FRAS1: variants seen among roughly 807,000 people sequenced by gnomAD.
FRAS1 encodes the protein Fraser extracellular matrix complex subunit 1, also known as extracellular matrix organizing protein FRAS1.
In FRAS1, 290 loss-of-function variants were observed where a neutral mutation model predicts 435.2. The ratio of observed to expected loss-of-function variants is 0.67; its 90% confidence interval spans 0.61 to 0.73. The LOEUF is 0.73. Ranked by LOEUF, FRAS1 falls within the 30% of genes least tolerant of loss-of-function variation. The pLI is 0.00. For synonymous variants in FRAS1, 1,800 were observed against 1,851.0 expected, an observed-to-expected ratio of 0.97 and a Z score of 0.71; for missense variants, 4,860 against 5,001.5, an observed-to-expected ratio of 0.97 and a Z score of 0.85.
chr4:78,156,982 A>G (rs1720916152), intron 2 of FRAS1, among the ~76,000 whole-genome samples: 1 of 152,156 alleles, frequency 6.6e-6, no homozygotes, highest in South Asian at 2.1e-4. Flanking sequence ...CTCCCCTTCT[A>G]GGTCGCCTTT....
At chr4:78,346,761 C>A (rs1560671864) in intron 20 of FRAS1, among the ~76,000 whole-genome samples, 1 of 152,040 alleles carries the variant, frequency 6.6e-6, no homozygotes, top group African/African-American at 2.4e-5. Context: ...ACCTCTTTTT[C>A]CTTCCTTTGA....
chr4:78,535,785 C>T (rs1045198949), intron 71 of FRAS1, among the ~76,000 whole-genome samples: 4 of 152,312 alleles, frequency 2.6e-5, no homozygotes, highest in African/African-American at 9.6e-5. Flanking sequence ...GTGTTACTAC[C>T]TTTCCGCTTA....
At position 78,488,999 on chromosome 4, in the gene FRAS1, C is replaced by T. The variant is rs1720259026; in HGVS notation, c.8877C>T (p.Ser2959=). The T allele has an allele frequency of 5.6e-6, 9 of 1,613,700 alleles. No individual in the cohort carries two copies. The highest frequency in any genetic ancestry group is 7.6e-6 in the Non-Finnish European group (9 of 1,179,752). Reference sequence around the variant, plus strand: ...CATCAGTGAGGTGCTATACTCAGAGCCATTCCGCTCAGGTCATGGAGGACT... The same window carrying T: ...CATCAGTGAGGTGCTATACTCAGAGTCATTCCGCTCAGGTCATGGAGGACT... ...YESSVRCYTQ[S]HSAQVMEDFE... is the part of the protein sequence containing the mutation. Residue 2959 remains serine, a synonymous_variant, in exon 59 of 74, where the codon AGC becomes AGT. Coordinates refer to ENST00000512123, the MANE Select transcript of FRAS1 (RefSeq NM_025074.7).
At position 78,450,271 on chromosome 4, in the gene FRAS1, A is replaced by C; in HGVS notation, c.6395A>C (p.His2132Pro). Residue 2132 changes from histidine to proline, a missense_variant, in exon 45 of 74, where the codon CAT (histidine) becomes CCT (proline). Transcript: ENST00000512123. ...GCAGGGCGCCTGCAGATGATGAAGC[A>C]TGGCAACCTGGAGCAAATTTCTATT... The part of the protein sequence containing the change: ...PGAGRLQMMK[H>P]GNLEQISIKG... The C allele has an allele frequency of 6.2e-7, 1 of 1,613,936 alleles. No individual in the cohort carries two copies. The highest frequency in any genetic ancestry group is 8.5e-7 in the Non-Finnish European group (1 of 1,179,828).
intron 10 of FRAS1, among the ~76,000 whole-genome samples, chr4:78,279,713 A>G (rs1010194991): frequency 2.0e-5 from 3 of 152,174 alleles, no homozygotes; most frequent in African/African-American, 7.2e-5. Flanking sequence ...TTCCCTATTT[A>G]TGTAGCCCAT....
chr4:78,378,603 G>A (rs1731879944), intron 26 of FRAS1, among the ~76,000 whole-genome samples: 1 of 152,124 alleles, frequency 6.6e-6, no homozygotes, highest in African/African-American at 2.4e-5. Context: ...TAGTGGAAGT[G>A]AAGTGATATC....
chr4:78,304,594 G>A (rs1187417057), intron 14 of FRAS1, among the ~76,000 whole-genome samples: 3 of 151,890 alleles, frequency 2.0e-5, no homozygotes, highest in Non-Finnish European at 4.4e-5. Flanking sequence ...TTAGTCTTGG[G>A]AGAGTGTATG....
chr4:78,427,034 A>T (rs1734023706), intron 35 of FRAS1, among the ~76,000 whole-genome samples: 1 of 152,186 alleles, frequency 6.6e-6, no homozygotes, highest in Admixed American at 6.5e-5. Flanking sequence ...GTATGGTTTG[A>T]ATGTCCCTTC....
chr4:78,423,145 T>C (rs1332234588), intron 34 of FRAS1, among the ~76,000 whole-genome samples: 3 of 152,050 alleles, frequency 2.0e-5, no homozygotes, highest in Admixed American at 2.0e-4. Context: ...CCAAAAATAT[T>C]AGTGCCTATT....
At chr4:78,154,529 A>G (rs1358899139) in intron 2 of FRAS1, among the ~76,000 whole-genome samples, 1 of 152,202 alleles carries the variant, frequency 6.6e-6, no homozygotes, top group African/African-American at 2.4e-5. Flanking sequence ...TTTAAGGCCC[A>G]GTCTTCATCA....
chr4:78,149,814 G>T (rs1299967658), intron 2 of FRAS1, among the ~76,000 whole-genome samples: 18 of 152,110 alleles, frequency 1.2e-4, no homozygotes, highest in Admixed American at 1.2e-3. Flanking sequence ...GTTTTGCCCT[G>T]GGAAAGCAGG....
intron 29 of FRAS1, among the ~76,000 whole-genome samples, chr4:78,400,364 G>C (rs1732833095): frequency 6.6e-6 from 1 of 152,092 alleles, no homozygotes; most frequent in Non-Finnish European, 1.5e-5. Context: ...TATATATCGG[G>C]CCTCTAGCAA....
chr4:78,442,035 G>A (rs1331702734), intron 41 of FRAS1, among the ~76,000 whole-genome samples: 1 of 152,220 alleles, frequency 6.6e-6, no homozygotes, highest in Non-Finnish European at 1.5e-5. Context: ...CCAGCACTGG[G>A]CTCTAATTGG....
At chr4:78,514,960 C>G (rs1349569481) in intron 65 of FRAS1, among the ~76,000 whole-genome samples, 1 of 150,704 alleles carries the variant, frequency 6.6e-6, no homozygotes, top group Non-Finnish European at 1.5e-5. Flanking sequence ...CCCAGCTACT[C>G]GGGAGGCTGA....
rs767986893 is a variant in FRAS1 at position 78,540,611 on chromosome 4, C to A, written c.11526C>A (p.Arg3842=). ...PDTISGPRVQ[R]SLTAPLRRNR... is the part of the protein sequence containing the mutation. ...CCATCTCAGGGCCCCGGGTCCAGCG[C>A]TCTCTCACAGCTCCACTCAGACGCA... The change falls in exon 74 of 74, where the codon CGC becomes CGA. Residue 3842 remains arginine (R), a synonymous_variant. Coordinates refer to ENST00000512123, the MANE Select transcript of FRAS1 (RefSeq NM_025074.7). The A allele has an allele frequency of 8.3e-6, 13 of 1,560,596 alleles. No individual in the cohort carries two copies. The South Asian group carries it at 1.6e-4, about 19-fold the overall frequency.
chr4:78,412,540 C>G (rs1023316511), intron 31 of FRAS1, among the ~76,000 whole-genome samples: 1 of 152,166 alleles, frequency 6.6e-6, no homozygotes, highest in Admixed American at 6.5e-5. Context: ...ATATTACATA[C>G]TCATAATAAG....
intron 2 of FRAS1, among the ~76,000 whole-genome samples, chr4:78,069,949 C>A (rs1740250456): frequency 6.6e-6 from 1 of 152,116 alleles, no homozygotes; most frequent in African/African-American, 2.4e-5. Flanking sequence ...ACAACCAAGT[C>A]AGTCCACTTG....
intron 2 of FRAS1, among the ~76,000 whole-genome samples, chr4:78,228,378 A>G (rs10518197): frequency 0.66 from 101,049 of 152,048 alleles, 33,677 homozygotes; most frequent in African/African-American, 0.7. Context: ...TGGTTAATCT[A>G]TCATAGGGGT....
intron 2 of FRAS1, among the ~76,000 whole-genome samples, chr4:78,130,188 T>A (rs139428273): frequency 6.6e-6 from 1 of 152,332 alleles, no homozygotes; most frequent in Non-Finnish European, 1.5e-5. Flanking sequence ...TTTGTTTCTG[T>A]TTCTGTCATA....
Sources: allele counts gnomAD v4.1 joint callset (sites outside exome capture counted in the v4.1 genomes callset), GRCh38; gene constraint gnomAD v4.1.1; transcripts MANE v1.5; gene names NCBI Gene and HGNC (gene_info 2026-07-23, HGNC 2026-07-21).